Variants in CDC42BPA observed in about 807,000 individuals in gnomAD.
CDC42BPA encodes the protein CDC42 binding protein kinase alpha.
Under a neutral mutation model 223.5 loss-of-function variants are expected in CDC42BPA, and 80 were observed. The ratio of observed to expected loss-of-function variants is 0.36; its 90% CI spans 0.30 to 0.43. CDC42BPA has a LOEUF of 0.43. Ranked by LOEUF, CDC42BPA falls within the 20% of genes least tolerant of loss-of-function variation. The probability of loss-of-function intolerance (pLI) is 1.00; values close to 1 mark genes in which losing one functional copy is unlikely to be tolerated. For missense variants in CDC42BPA, 1,743 were observed against 2,099.9 expected, an observed-to-expected ratio of 0.83 and a Z score of 3.32; for synonymous variants, 694 against 718.6, an observed-to-expected ratio of 0.97 and a Z score of 0.55.
At chr1:227,034,048 T>C (rs545958252) in intron 26 of CDC42BPA, among the ~76,000 whole-genome samples, 2 of 152,120 alleles carry the variant, frequency 1.3e-5, no homozygotes, top group Non-Finnish European at 2.9e-5. Flanking sequence ...CCAATTTGAG[T>C]CACAGCTAGA....
At chr1:227,115,136 T>C (rs1167084049) in intron 12 of CDC42BPA, among the ~76,000 whole-genome samples, 2 of 152,028 alleles carry the variant, frequency 1.3e-5, no homozygotes, top group African/African-American at 4.8e-5. Context: ...GTTATACGTA[T>C]TTTACCACAG....
intron 30 of CDC42BPA, among the ~76,000 whole-genome samples, chr1:227,026,608 T>C (rs1668310381): frequency 6.6e-6 from 1 of 152,222 alleles, no homozygotes; most frequent in Non-Finnish European, 1.5e-5. Flanking sequence ...AATATACACT[T>C]GTTGAAAGAA....
At chr1:227,282,377 C>T (rs568406812) in intron 1 of CDC42BPA, among the ~76,000 whole-genome samples, 2 of 152,118 alleles carry the variant, frequency 1.3e-5, no homozygotes, top group East Asian at 1.9e-4. Context: ...ATTAATTAAG[C>T]GGTTGTTTAT....
intron 1 of CDC42BPA, among the ~76,000 whole-genome samples, chr1:227,278,315 C>T (rs903398904): frequency 3.9e-5 from 6 of 152,164 alleles, no homozygotes; most frequent in East Asian, 1.9e-4. Flanking sequence ...TTTCAGATTG[C>T]GTATGTGCTT....
intron 6 of CDC42BPA, among the ~76,000 whole-genome samples, chr1:227,153,089 A>G (rs12752546): frequency 0.14 from 21,307 of 152,008 alleles, 1,887 homozygotes; most frequent in South Asian, 0.34. Context: ...GATTACAAAG[A>G]AAAGTTAACA....
At position 227,260,189 on chromosome 1, in the gene CDC42BPA, T is replaced by C. The variant is rs1194409051; in HGVS notation, c.179-6034A>G. On this transcript the variant is annotated intron_variant, in intron 1 of 36. Coordinates refer to ENST00000366766, the MANE Select transcript of CDC42BPA (RefSeq NM_001394014.1). ...CTCTTTATTCCCAAAAGGTTTGAAATAAATACAGATGCTGAAATTAAGAGA... is the reference window on the plus strand; with the variant it reads ...CTCTTTATTCCCAAAAGGTTTGAAACAAATACAGATGCTGAAATTAAGAGA... Among the ~76,000 whole-genome samples the C allele has an allele frequency of 4.6e-5, 7 of 150,988 alleles. 1 individual carries two copies. The highest frequency in any genetic ancestry group is 7.4e-5 in the Non-Finnish European group (5 of 67,996).
At chr1:227,285,936 T>C (rs1336429913) in intron 1 of CDC42BPA, among the ~76,000 whole-genome samples, 1 of 152,208 alleles carries the variant, frequency 6.6e-6, no homozygotes, top group Non-Finnish European at 1.5e-5. Context: ...CACAAGGCAG[T>C]TGAAGCCCTA....
intron 1 of CDC42BPA, among the ~76,000 whole-genome samples, chr1:227,293,738 G>A (rs1446402514): frequency 6.6e-6 from 1 of 152,118 alleles, no homozygotes; most frequent in Non-Finnish European, 1.5e-5. Context: ...CTGAACCTGG[G>A]AGGTGGAGGT....
Position 227,076,100 on chromosome 1 carries a change from A to G in CDC42BPA, c.2481-1736T>C, listed in dbSNP as rs369588351. ...AAACCTATTTCTCTTTTTCTTGGCT[A>G]TAGAGAATTACTGGTTTGGAGGGCA... On this transcript the variant is annotated intron_variant, in intron 17 of 36. Transcript: ENST00000366766. Among the ~76,000 whole-genome samples the G allele has an allele frequency of 3.4e-4, 52 of 152,154 alleles. 1 individual carries two copies. In the South Asian group the frequency reaches 0.011, roughly 32 times the overall value.
chr1:227,018,060 T>TTATTA (rs1666658283), intron 32 of CDC42BPA, among the ~76,000 whole-genome samples: 1 of 59,426 alleles, frequency 1.7e-5, no homozygotes, highest in Non-Finnish European at 3.5e-5. Context: ...TATTATTATT[T>TTATTA]ATTTGAGGCA....
At chr1:227,182,520 T>C (rs1668107618) in intron 5 of CDC42BPA, among the ~76,000 whole-genome samples, 1 of 152,222 alleles carries the variant, frequency 6.6e-6, no homozygotes, top group South Asian at 2.1e-4. Context: ...AATAGTTCAA[T>C]GAATCCCTTG....
Position 227,138,524 on chromosome 1 carries a change from C to CAAA in CDC42BPA, c.1390+1049_1390+1051dup, listed in dbSNP as rs61617075. Among the ~76,000 whole-genome samples, 6 of 96,180 alleles carry CAAA rather than the reference C, an allele frequency of 6.2e-5. 1 individual carries two copies. The highest frequency in any genetic ancestry group is 1.0e-4 in the Non-Finnish European group (5 of 48,800). The allele number at this position is 96,180 out of a possible 152,430, so 63.1% of individuals were successfully genotyped here. On this transcript the variant is annotated intron_variant, in intron 10 of 36. Coordinates refer to ENST00000366766, the MANE Select transcript of CDC42BPA (RefSeq NM_001394014.1). Reference sequence around the variant, plus strand: ...CCAGGAGATAAAGTGCCCCAGAAGCCAAAAAAAAAAAAAGAGAGCGTTATC... The same window carrying CAAA: ...CCAGGAGATAAAGTGCCCCAGAAGCCAAAAAAAAAAAAAAAAGAGAGCGTTATC...
intron 1 of CDC42BPA, among the ~76,000 whole-genome samples, chr1:227,314,088 G>A (rs1693977375): frequency 6.6e-6 from 1 of 151,962 alleles, no homozygotes; most frequent in Non-Finnish European, 1.5e-5. Flanking sequence ...CCGATTTAAC[G>A]AATGATATAC....
chr1:227,232,252 T>C (rs1425139071), intron 2 of CDC42BPA, among the ~76,000 whole-genome samples: 1 of 152,198 alleles, frequency 6.6e-6, no homozygotes, highest in Non-Finnish European at 1.5e-5. Context: ...CCTTTCCCCA[T>C]TTCTTGTTTT....
intron 5 of CDC42BPA, among the ~76,000 whole-genome samples, chr1:227,192,872 T>C (rs908268210): frequency 6.6e-6 from 1 of 152,090 alleles, no homozygotes; most frequent in Admixed American, 6.5e-5. Context: ...ATAAAATATA[T>C]AATACAGGAC....
At chr1:227,196,491 C>T (rs1263282700) in intron 4 of CDC42BPA, among the ~76,000 whole-genome samples, 3 of 151,882 alleles carry the variant, frequency 2.0e-5, no homozygotes, top group Non-Finnish European at 4.4e-5. Flanking sequence ...AGGCGCCCAC[C>T]ACCACACCCG....
intron 31 of CDC42BPA, 83 bp from the exon 32 acceptor site, chr1:227,023,430 C>T (rs1667732124): frequency 1.5e-6 from 1 of 651,652 alleles, no homozygotes; most frequent in East Asian, 2.9e-5. Context: ...ATAAAGCACA[C>T]CTTATTAAGA....
intron 10 of CDC42BPA, among the ~76,000 whole-genome samples, chr1:227,132,484 C>T (rs1657357360): frequency 1.5e-5 from 2 of 131,908 alleles, no homozygotes; most frequent in South Asian, 4.5e-4. Context: ...CTCGCTACAA[C>T]ATCTACCTCC....
At chr1:227,051,061 A>G (rs151019968) in intron 22 of CDC42BPA, among the ~76,000 whole-genome samples, 1 of 152,322 alleles carries the variant, frequency 6.6e-6, no homozygotes, top group African/African-American at 2.4e-5. Flanking sequence ...AACTTAAACA[A>G]TTTGGGGGAG....
Sources: allele counts gnomAD v4.1 joint callset (sites outside exome capture counted in the v4.1 genomes callset), GRCh38; gene constraint gnomAD v4.1.1; transcripts MANE v1.5; gene names NCBI Gene and HGNC (gene_info 2026-07-23, HGNC 2026-07-21).